Variants in FASTK observed in about 807,000 individuals in gnomAD.
FASTK encodes Fas activated serine/threonine kinase, also known as fas-activated serine/threonine kinase.
Under a neutral mutation model 60.0 loss-of-function variants are expected in FASTK, and 28 were observed. The ratio of observed to expected loss-of-function variants is 0.47; its 90% CI spans 0.35 to 0.64. FASTK has a LOEUF of 0.64. FASTK is among the 30% of genes least tolerant of loss of function. The pLI, the probability that FASTK is intolerant of heterozygous loss-of-function variation, is 0.01. For missense variants in FASTK, 595 were observed against 713.8 expected (o/e 0.83, Z 1.90); for synonymous variants, 325 against 307.9 (o/e 1.06, Z -0.58).
chr7:151,080,120 C>G (rs1797906861), intron 1 of FASTK, 198 bp from the exon 2 acceptor site: 1 of 578,842 alleles, frequency 1.7e-6, no homozygotes, highest in Non-Finnish European at 3.1e-6. Flanking sequence ...TCAGTGCGCT[C>G]AGCGCAGCAC....
intron 4 of FASTK, 77 bp from the exon 5 acceptor site, chr7:151,078,169 G>T: frequency 8.6e-7 from 1 of 1,164,016 alleles, no homozygotes; most frequent in Non-Finnish European, 1.2e-6. Flanking sequence ...CCTTAGAGAG[G>T]CTTAGCCCTC....
rs1367750442 is a variant in FASTK at position 151,079,726 on chromosome 7, C to T, written c.279G>A (p.Lys93=). Residue 93 remains lysine, a synonymous_variant, in exon 2 of 10, where the codon AAG becomes AAA. Coordinates refer to ENST00000297532, the MANE Select transcript of FASTK (RefSeq NM_006712.5). Reference sequence around the variant, plus strand: ...GCCAGCGCAGCAGCTCCCCAGGGCTCTTCGCCTGTTCCAGAAGCCGCTGCA... The same window carrying T: ...GCCAGCGCAGCAGCTCCCCAGGGCTTTTCGCCTGTTCCAGAAGCCGCTGCA... ...QGLQRLLEQA[K]SPGELLRWLG... 1 of 1,600,768 alleles carries T rather than the reference C, an allele frequency of 6.2e-7. No individual in the cohort carries two copies. The highest frequency in any genetic ancestry group is 1.7e-5 in the Admixed American group (1 of 58,510).
intron 4 of FASTK, 51 bp from the exon 5 acceptor site, chr7:151,078,143 T>A (rs777966796): frequency 1.4e-6 from 2 of 1,393,524 alleles, no homozygotes; most frequent in African/African-American, 1.4e-5. Context: ...TCTGCAGTCA[T>A]CTTTTACAAG....
In FASTK at chr7:151,076,672, T is replaced by A; in HGVS notation, c.*53A>T. On this transcript the variant is annotated 3_prime_UTR_variant, in exon 10 of 10. Coordinates refer to ENST00000297532, the MANE Select transcript of FASTK (RefSeq NM_006712.5). ...GAAATCAAAACACAGGGAACCAAAG[T>A]GCAAATCATCCACCCCCCATGGGGG... The A allele has an allele frequency of 8.5e-7, 1 of 1,173,012 alleles. No homozygotes were observed. The highest frequency in any genetic ancestry group is 1.2e-6 in the Non-Finnish European group (1 of 839,458). 72.7% of individuals were successfully genotyped at this position (1,173,012 alleles called of 1,614,324 possible).
intron 1 of FASTK, 86 bp downstream of exon 1, chr7:151,080,599 C>G: frequency 7.4e-7 from 1 of 1,344,266 alleles, no homozygotes; most frequent in Non-Finnish European, 9.5e-7. Flanking sequence ...CACCCCGGCC[C>G]AGGGACGCCA....
chr7:151,079,068 T>TTGGG (rs1797835049), intron 2 of FASTK, 47 bp from the exon 3 acceptor site: 5 of 1,401,202 alleles, frequency 3.6e-6, no homozygotes, highest in Non-Finnish European at 4.7e-6. Flanking sequence ...GCTGTGCTGC[T>TTGGG]GTTCTTATCA....
At chr7:151,078,758 C>A in intron 3 of FASTK, 57 bp from the exon 4 acceptor site, 1 of 1,610,116 alleles carries the variant, frequency 6.2e-7, no homozygotes, top group Non-Finnish European at 8.5e-7. Flanking sequence ...TGGCTCAATT[C>A]CACCTCAGCC....
At position 151,076,693 on chromosome 7, in the gene FASTK, G is replaced by A. The variant is rs753132414; in HGVS notation, c.*32C>T. On this transcript the variant is annotated 3_prime_UTR_variant, in exon 10 of 10. Transcript: ENST00000297532. ...AAAGTGCAAATCATCCACCCCCCAT[G>A]GGGGGGCCATCCTGAACCCCACATC... 4 of 1,368,656 alleles carry A rather than the reference G, an allele frequency of 2.9e-6. 1 individual carries two copies. Among genetic ancestry groups the A allele is most frequent in the Admixed American group, 2.4e-5 (1 of 41,454 alleles). The allele number at this position is 1,368,656 out of a possible 1,614,324, so 84.8% of individuals were successfully genotyped here. A position where few individuals can be genotyped will look rare whatever the true frequency, so the allele number is the denominator to read the frequency against.
chr7:151,077,572 T>G, intron 6 of FASTK, 49 bp downstream of exon 6: 1 of 1,530,808 alleles, frequency 6.5e-7, no homozygotes, highest in Non-Finnish European at 8.8e-7. Context: ...TTTTCCACTC[T>G]GCTGGTCCCA....
Position 151,077,490 on chromosome 7 carries a change from T to C in FASTK, c.1200-89A>G, listed in dbSNP as rs1012459704. On this transcript the variant is annotated intron_variant, in intron 6 of 9. Coordinates refer to ENST00000297532, the MANE Select transcript of FASTK (RefSeq NM_006712.5). ...AGTGCCACCACCCTGGGCAAAGCCCTCTGCTGCTTCAGGGCCCAGTTTTAT... is the reference window on the plus strand; with the variant it reads ...AGTGCCACCACCCTGGGCAAAGCCCCCTGCTGCTTCAGGGCCCAGTTTTAT... 3.9e-6 allele frequency: 6 copies of C among 1,525,728 alleles called. 1 individual carries two copies. Among genetic ancestry groups the C allele is most frequent in the East Asian group, 4.6e-5 (2 of 43,124 alleles). 94.5% of individuals were successfully genotyped at this position (1,525,728 alleles called of 1,614,324 possible).
At position 151,076,641 on chromosome 7, in the gene FASTK, T is replaced by G; in HGVS notation, c.*84A>C. ...TCACAACGGGGAAGGAAAGGAACTT[T>G]AATGAGAAATCAAAACACAGGGAAC... On this transcript the variant is annotated 3_prime_UTR_variant, in exon 10 of 10. Transcript: ENST00000297532. 1.0e-6 allele frequency: 1 copy of G among 959,434 alleles called. No individual in the cohort carries two copies. The highest frequency in any genetic ancestry group is 1.5e-6 in the Non-Finnish European group (1 of 654,772). The allele number at this position is 959,434 out of a possible 1,614,324, so 59.4% of individuals were successfully genotyped here.
At chr7:151,079,415 G>A (rs900677837) in intron 2 of FASTK, 85 bp downstream of exon 2, 2 of 1,322,498 alleles carry the variant, frequency 1.5e-6, no homozygotes, top group African/African-American at 3.0e-5. Flanking sequence ...TGAGAGGCTG[G>A]GTCTCTGTCC....
chr7:151,079,198 G>A (rs1797842117), intron 2 of FASTK, 177 bp from the exon 3 acceptor site: 5 of 614,782 alleles, frequency 8.1e-6, no homozygotes, highest in South Asian at 2.6e-5. Flanking sequence ...ATGAGGTATC[G>A]AAACGGTTTG....
At chr7:151,080,389 C>A (rs937573712) in intron 1 of FASTK, 92 of 1,014,698 alleles carry the variant, frequency 9.1e-5, no homozygotes, top group Non-Finnish European at 1.1e-4. Context: ...GGAACGCGGG[C>A]TCCGCGGCTG....
At chr7:151,078,195 C>A in intron 4 of FASTK, 103 bp from the exon 5 acceptor site, 2 of 863,818 alleles carry the variant, frequency 2.3e-6, no homozygotes, top group South Asian at 1.7e-5. Context: ...TACAACACTG[C>A]TGTAAAGACA....
Position 151,077,320 on chromosome 7 carries a change from G to A in FASTK, c.1281C>T (p.Gly427=). 6.2e-7 allele frequency: 1 copy of A among 1,613,066 alleles called. No homozygotes were observed. The highest frequency in any genetic ancestry group is 8.5e-7 in the Non-Finnish European group (1 of 1,180,008). ...KYRQDLTVPP[G]YCTDFLLCAS... is the part of the protein sequence containing the mutation. ...CTGCCCCTTGCTCACCTGTGCAGTAGCCTGGAGGCACAGTCAGGTCCTGGC... is the reference window on the plus strand; with the variant it reads ...CTGCCCCTTGCTCACCTGTGCAGTAACCTGGAGGCACAGTCAGGTCCTGGC... The change falls in exon 7 of 10, where the codon GGC becomes GGT. Residue 427 remains glycine (G), a synonymous_variant. Transcript: ENST00000297532.
rs1797868515 is a variant in FASTK at position 151,079,614 on chromosome 7, G to A, written c.391C>T (p.Pro131Ser). The A allele has an allele frequency of 6.2e-7, 1 of 1,613,818 alleles. No homozygotes were observed. Among genetic ancestry groups the A allele is most frequent in the South Asian group, 1.1e-5 (1 of 91,072 alleles). Residue 131 changes from proline to serine, a missense_variant, in exon 2 of 10, where the codon CCC (proline) becomes TCC (serine). Coordinates refer to ENST00000297532, the MANE Select transcript of FASTK (RefSeq NM_006712.5). ...AGTGTGACCTGCTCCACAGGAGGGG[G>A]CCGTGGCCGAGACCCCAAGAGCTGG... ...LGQLLGSRPR[P>S]PPVEQVTLQD...
Position 151,080,698 on chromosome 7 carries a change from C to G in FASTK, c.69G>C (p.Gly23=). 1 of 1,410,758 alleles carries G rather than the reference C, an allele frequency of 7.1e-7. No homozygotes were observed. The highest frequency in any genetic ancestry group is 9.2e-7 in the Non-Finnish European group (1 of 1,085,884). 87.4% of individuals were successfully genotyped at this position (1,410,758 alleles called of 1,614,324 possible). A position where few individuals can be genotyped will look rare whatever the true frequency, so the allele number is the denominator to read the frequency against. Residue 23 remains glycine, a synonymous_variant, in exon 1 of 10, where the codon GGG becomes GGC. Transcript: ENST00000297532. The stretch of plus-strand genomic sequence containing the variant: ...CGCCACCCCTACATGACTCCCCGGG[C>G]CCTGCGCAGGTCGCTCCCTCAGTCG... ...PRPTEGATCA[G]PGESWSPSPN... is the part of the protein sequence containing the mutation.
At position 151,076,835 on chromosome 7, in the gene FASTK, G is replaced by T; in HGVS notation, c.1543-3C>A. 1 of 1,608,410 alleles carries T rather than the reference G, an allele frequency of 6.2e-7. No homozygotes were observed. The highest frequency in any genetic ancestry group is 8.5e-7 in the Non-Finnish European group (1 of 1,177,292). ...GACTCCAGTTCCTCGAAGGGTAGCTGTGGGGAGAGGAGAGGGCGGCAGGTT... is the reference window on the plus strand; with the variant it reads ...GACTCCAGTTCCTCGAAGGGTAGCTTTGGGGAGAGGAGAGGGCGGCAGGTT... On this transcript the variant is annotated splice_polypyrimidine_tract_variant and splice_region_variant and intron_variant, in intron 9 of 9. Coordinates refer to ENST00000297532, the MANE Select transcript of FASTK (RefSeq NM_006712.5).
Sources: allele counts gnomAD v4.1 joint callset, GRCh38; gene constraint gnomAD v4.1.1; transcripts MANE v1.5; gene names NCBI Gene and HGNC (gene_info 2026-07-23, HGNC 2026-07-21).